The following ATRNL1 variants were observed in gnomAD, a reference collection of about 807,000 sequenced individuals.
ATRNL1 encodes the protein attractin-like protein 1.
Under a neutral mutation model 182.7 loss-of-function variants are expected in ATRNL1, and 95 were observed. That is an observed-to-expected ratio of 0.52 (90% CI 0.44 to 0.62). The LOEUF is 0.62. Ranked by LOEUF, ATRNL1 falls within the 20% of genes least tolerant of loss-of-function variation. The pLI is 0.00. For synonymous variants in ATRNL1, 576 were observed against 568.3 expected (o/e 1.01, Z -0.19); for missense variants, 1,471 against 1,679.5 (o/e 0.88, Z 2.17).
At chr10:115,332,505 T>C (rs1855274831) in intron 18 of ATRNL1, among the ~76,000 whole-genome samples, 1 of 152,244 alleles carries the variant, frequency 6.6e-6, no homozygotes. Flanking sequence ...TCTCTTAATT[T>C]GTCATGAACA....
At chr10:115,382,152 T>C (rs1858051282) in intron 19 of ATRNL1, among the ~76,000 whole-genome samples, 2 of 152,226 alleles carry the variant, frequency 1.3e-5, no homozygotes, top group Non-Finnish European at 1.5e-5. Context: ...TTTATTCTTC[T>C]TTTAAAAATG....
intron 24 of ATRNL1, among the ~76,000 whole-genome samples, chr10:115,510,368 C>A (rs1554982359): frequency 2.0e-5 from 3 of 151,966 alleles, no homozygotes; most frequent in African/African-American, 7.2e-5. Flanking sequence ...GTCATTGTGG[C>A]AAATATCATT....
chr10:115,628,165 GA>G (rs1223072713), intron 26 of ATRNL1, among the ~76,000 whole-genome samples: 3 of 148,772 alleles, frequency 2.0e-5, no homozygotes, highest in East Asian at 2.0e-4. Context: ...AAAAAAGAAA[GA>G]AAAAAAAAGA....
chr10:115,306,356 G>C (rs1228185076), intron 17 of ATRNL1, among the ~76,000 whole-genome samples: 1 of 152,064 alleles, frequency 6.6e-6, no homozygotes, highest in Non-Finnish European at 1.5e-5. Flanking sequence ...TCAGTGTTGT[G>C]GATAAGAATT....
chr10:115,392,939 T>C (rs1203190725), intron 19 of ATRNL1, among the ~76,000 whole-genome samples: 5 of 152,190 alleles, frequency 3.3e-5, no homozygotes, highest in African/African-American at 1.2e-4. Context: ...CTGTTTCTAT[T>C]TGTCCTTCCA....
At chr10:115,330,662 G>A (rs1278112289) in intron 18 of ATRNL1, among the ~76,000 whole-genome samples, 1 of 133,892 alleles carries the variant, frequency 7.5e-6, no homozygotes, top group Non-Finnish European at 1.6e-5. Context: ...ATTCCTTTAT[G>A]TGTTATTTGC....
At chr10:115,654,045 T>C (rs1860170956) in intron 26 of ATRNL1, among the ~76,000 whole-genome samples, 1 of 152,118 alleles carries the variant, frequency 6.6e-6, no homozygotes, top group Non-Finnish European at 1.5e-5. Flanking sequence ...TAAAACTATG[T>C]TTTATCCTCA....
intron 28 of ATRNL1, among the ~76,000 whole-genome samples, chr10:115,863,567 C>G (rs1951365410): frequency 6.6e-6 from 1 of 152,030 alleles, no homozygotes; most frequent in Non-Finnish European, 1.5e-5. Context: ...TAGAATGAAC[C>G]CTGTGGCATT....
At chr10:115,151,545 C>G (rs1554880591) in intron 5 of ATRNL1, among the ~76,000 whole-genome samples, 1 of 152,178 alleles carries the variant, frequency 6.6e-6, no homozygotes, top group Non-Finnish European at 1.5e-5. Flanking sequence ...TGTTCATATC[C>G]TTCGCCCACT....
chr10:115,455,960 A>T (rs943626059), intron 21 of ATRNL1, among the ~76,000 whole-genome samples: 1 of 152,012 alleles, frequency 6.6e-6, no homozygotes, highest in African/African-American at 2.4e-5. Flanking sequence ...AGTTAGAATG[A>T]TGATCATTAA....
chr10:115,298,609 A>G (rs1373406550), intron 15 of ATRNL1, among the ~76,000 whole-genome samples: 1 of 152,118 alleles, frequency 6.6e-6, no homozygotes, highest in African/African-American at 2.4e-5. Context: ...AGAATGTTTT[A>G]GGTTTTTGCT....
At chr10:115,631,182 T>A (rs569203528) in intron 26 of ATRNL1, among the ~76,000 whole-genome samples, 91 of 152,132 alleles carry the variant, frequency 6.0e-4, no homozygotes, top group African/African-American at 2.1e-3. Context: ...ACTAATATTG[T>A]ATACTCGAAA....
At chr10:115,917,994 T>C (rs17093782) in intron 28 of ATRNL1, among the ~76,000 whole-genome samples, 2,121 of 152,212 alleles carry the variant, frequency 0.014, 57 homozygotes, top group African/African-American at 0.048. Flanking sequence ...ATTTGTATCA[T>C]GTTTAAACTC....
chr10:115,659,226 C>T (rs183470798), intron 26 of ATRNL1, among the ~76,000 whole-genome samples: 2 of 152,142 alleles, frequency 1.3e-5, no homozygotes, highest in African/African-American at 2.4e-5. Context: ...TCCTACACAA[C>T]CCAATATAGT....
Position 115,778,102 on chromosome 10 carries a change from G to A in ATRNL1, c.3903+50747G>A, listed in dbSNP as rs142540543. 1.6e-4 allele frequency among the ~76,000 whole-genome samples: 24 copies of A among 152,228 alleles called. No individual in the cohort carries two copies. The East Asian group carries it at 3.3e-3, about 21-fold the overall frequency. ...AAGAATAAAAACAGAACTTTTAGCC[G>A]CAATCAGCTAGAAATTGTAGCTGAA... is the stretch of plus-strand genomic sequence containing the variant. On this transcript the variant is annotated intron_variant, in intron 27 of 28. Coordinates refer to ENST00000355044, the MANE Select transcript of ATRNL1 (RefSeq NM_207303.4).
chr10:115,263,334 TA>T (rs1391315574), intron 10 of ATRNL1, among the ~76,000 whole-genome samples: 1 of 151,628 alleles, frequency 6.6e-6, no homozygotes, highest in Non-Finnish European at 1.5e-5. Context: ...ATGGCTATGA[TA>T]AAAAAACAGA....
At chr10:115,369,186 T>C (rs1857250311) in intron 19 of ATRNL1, among the ~76,000 whole-genome samples, 1 of 151,130 alleles carries the variant, frequency 6.6e-6, no homozygotes, top group African/African-American at 2.4e-5. Context: ...TAAATATATA[T>C]ATTATAAATA....
chr10:115,927,705 C>T (rs1953276634), intron 28 of ATRNL1, among the ~76,000 whole-genome samples: 1 of 152,050 alleles, frequency 6.6e-6, no homozygotes, highest in Non-Finnish European at 1.5e-5. Flanking sequence ...GAGATACAAA[C>T]TTGTAAATGT....
chr10:115,531,289 G>A (rs1383074285), intron 25 of ATRNL1, among the ~76,000 whole-genome samples: 7 of 152,134 alleles, frequency 4.6e-5, no homozygotes, highest in East Asian at 1.9e-4. Flanking sequence ...TCCAGCACCC[G>A]TTGTTTCCTG....
Sources: gnomAD v4.1 joint callset for allele counts (sites outside exome capture counted in the v4.1 genomes callset) on GRCh38, gnomAD v4.1.1 for gene constraint, MANE v1.5 for transcripts, NCBI Gene and HGNC (gene_info 2026-07-23, HGNC 2026-07-21) for gene names.